ABLIM3: variants seen among roughly 807,000 people sequenced by gnomAD.
The protein encoded by ABLIM3 is actin-binding LIM protein 3.
Under a neutral mutation model 109.5 loss-of-function variants are expected in ABLIM3, and 61 were observed. The ratio of observed to expected loss-of-function variants is 0.56; its 90% CI spans 0.45 to 0.69. ABLIM3 has a LOEUF of 0.69. ABLIM3 is among the 30% of genes least tolerant of loss of function. The pLI, the probability that ABLIM3 is intolerant of heterozygous loss-of-function variation, is 0.00. For synonymous variants in ABLIM3, 300 were observed against 324.8 expected (o/e 0.92, Z 0.82); for missense variants, 796 against 889.5 (o/e 0.89, Z 1.34).
intron 2 of ABLIM3, among the ~76,000 whole-genome samples, chr5:149,166,843 A>T (rs1402421580): frequency 6.6e-6 from 1 of 152,238 alleles, no homozygotes; most frequent in Non-Finnish European, 1.5e-5. Flanking sequence ...GCAATCATAG[A>T]TAATATGTAA....
chr5:149,228,410 GA>G (rs917063806), intron 8 of ABLIM3, among the ~76,000 whole-genome samples: 1 of 151,420 alleles, frequency 6.6e-6, no homozygotes, highest in Non-Finnish European at 1.5e-5. Context: ...GTATCTTTTT[GA>G]AAAAAAATAC....
intron 2 of ABLIM3, among the ~76,000 whole-genome samples, chr5:149,173,197 A>G (rs146424592): frequency 3.9e-5 from 6 of 152,316 alleles, no homozygotes; most frequent in Admixed American, 3.9e-4. Flanking sequence ...GTTCTGTCAC[A>G]TGGCGTGATC....
intron 10 of ABLIM3, among the ~76,000 whole-genome samples, chr5:149,233,566 A>G (rs1479245472): frequency 1.3e-5 from 2 of 152,208 alleles, no homozygotes; most frequent in South Asian, 2.1e-4. Context: ...AGAAAGTACA[A>G]TGACAGCAAG....
intron 2 of ABLIM3, among the ~76,000 whole-genome samples, chr5:149,176,757 T>C (rs1755966420): frequency 6.6e-6 from 1 of 152,184 alleles, no homozygotes; most frequent in Non-Finnish European, 1.5e-5. Context: ...TATTACTTCA[T>C]GCATGGCGTC....
intron 7 of ABLIM3, among the ~76,000 whole-genome samples, chr5:149,212,815 C>CGAA (rs941363333): frequency 1.1e-4 from 16 of 152,062 alleles, no homozygotes; most frequent in Admixed American, 7.2e-4. Flanking sequence ...GGAGTGTTTC[C>CGAA]AGAAGGCAGT....
chr5:149,195,960 C>A (rs1757931555), intron 3 of ABLIM3, among the ~76,000 whole-genome samples: 1 of 152,222 alleles, frequency 6.6e-6, no homozygotes, highest in South Asian at 2.1e-4. Flanking sequence ...CTTTTCTTCT[C>A]ATAGACTTAC....
chr5:149,143,020 T>G (rs1366579295), intron 2 of ABLIM3, among the ~76,000 whole-genome samples: 4 of 152,036 alleles, frequency 2.6e-5, no homozygotes, highest in Admixed American at 2.0e-4. Flanking sequence ...ATCAGTCCCC[T>G]CTCTGCATCT....
rs79920609 is a variant in ABLIM3 at position 149,170,787 on chromosome 5, G to C, written c.14-12665G>C. Among the ~76,000 whole-genome samples, 568 of 152,270 alleles carry C rather than the reference G, an allele frequency of 3.7e-3. 2 individuals carry two copies. The highest frequency in any genetic ancestry group is 5.9e-3 in the Non-Finnish European group (400 of 68,016). ...AATGGAATGTTCGTCCGTTGATTTG[G>C]GGGGAGGATCTTTAAATTCTCTTAT... is the stretch of plus-strand genomic sequence containing the variant. On this transcript the variant is annotated intron_variant, in intron 2 of 23. Transcript: ENST00000309868.
At chr5:149,258,179 C>A in intron 23 of ABLIM3, 112 bp from the exon 24 acceptor site, 3 of 843,306 alleles carry the variant, frequency 3.6e-6, no homozygotes, top group Non-Finnish European at 3.7e-6. Context: ...GCACAGGGTG[C>A]CCAGAGGGAA....
intron 2 of ABLIM3, among the ~76,000 whole-genome samples, chr5:149,152,164 G>A (rs1472631489): frequency 6.6e-6 from 1 of 152,134 alleles, no homozygotes; most frequent in East Asian, 1.9e-4. Context: ...GCAATCAATA[G>A]GATTGCCTGC....
rs897423912 is a variant in ABLIM3 at position 149,240,683 on chromosome 5, G to A, written c.1212G>A (p.Glu404=). ...SPHHYYRSGP[E]SGRSSPYHSQ... is the part of the protein sequence containing the mutation. Reference sequence around the variant, plus strand: ...ACTTCCTGCGTGCTCCAGGGCCCGAGAGTGGCCGGAGCTCTCCATACCATA... The same window carrying A: ...ACTTCCTGCGTGCTCCAGGGCCCGAAAGTGGCCGGAGCTCTCCATACCATA... The change falls in exon 14 of 24, where the codon GAG becomes GAA. Residue 404 remains glutamate, a synonymous_variant. Coordinates refer to ENST00000309868, the MANE Select transcript of ABLIM3 (RefSeq NM_014945.5). The A allele has an allele frequency of 2.5e-6, 4 of 1,613,928 alleles. No homozygotes were observed. The South Asian group carries it at 4.4e-5, about 18-fold the overall frequency.
intron 10 of ABLIM3, among the ~76,000 whole-genome samples, chr5:149,235,403 C>T (rs1762251868): frequency 6.6e-6 from 1 of 152,210 alleles, no homozygotes; most frequent in African/African-American, 2.4e-5. Flanking sequence ...TCCATCTCCA[C>T]TGACTTCTAG....
intron 2 of ABLIM3, among the ~76,000 whole-genome samples, chr5:149,154,023 T>G (rs1753664355): frequency 1.3e-5 from 2 of 152,240 alleles, no homozygotes; most frequent in African/African-American, 4.8e-5. Flanking sequence ...TCTTTCTCCA[T>G]GGGCTGTTAC....
chr5:149,177,074 T>C (rs1756002265), intron 2 of ABLIM3: 1 of 152,258 alleles, frequency 6.6e-6, no homozygotes. Flanking sequence ...CATCTTTTTC[T>C]TTATTCTGCA....
rs780010832 is a variant in ABLIM3 at position 149,198,692 on chromosome 5, C to T, written c.335+290C>T. Among the ~76,000 whole-genome samples the T allele has an allele frequency of 2.0e-5, 3 of 152,182 alleles. No homozygotes were observed. Among genetic ancestry groups the T allele is most frequent in the Non-Finnish European group, 4.4e-5 (3 of 68,032 alleles). ...AGCCTCCCAATTCCTCTCAAAAGGC[C>T]CCCAAAGAAACCACTGATTCTCTCA... On this transcript the variant is annotated intron_variant, in intron 4 of 23. Coordinates refer to ENST00000309868, the MANE Select transcript of ABLIM3 (RefSeq NM_014945.5). The surrounding 1 kb of genome is among the most constrained non-coding windows in gnomAD (Gnocchi z 4.2).
chr5:149,142,759 G>T (rs1387018627), intron 2 of ABLIM3, among the ~76,000 whole-genome samples: 1 of 152,140 alleles, frequency 6.6e-6, no homozygotes, highest in Non-Finnish European at 1.5e-5. Context: ...ACAACTGCTT[G>T]CAGAGCCAGG....
At position 149,142,000 on chromosome 5, in the gene ABLIM3, A is replaced by AC. The variant is rs571717870; in HGVS notation, c.-87-3dup. ...AGAGCTGGCACTGGACTGCCTTTTC[A>AC]CCCCCCAGGTGATGAGTGAGGTTCG... On this transcript the variant is annotated splice_polypyrimidine_tract_variant and intron_variant, in intron 1 of 23. Transcript: ENST00000309868. 137 of 1,586,074 alleles carry AC rather than the reference A, an allele frequency of 8.6e-5. No individual in the cohort carries two copies. The African/African-American group carries it at 1.3e-3, about 15-fold the overall frequency.
At chr5:149,165,336 T>C (rs530994930) in intron 2 of ABLIM3, among the ~76,000 whole-genome samples, 95 of 152,222 alleles carry the variant, frequency 6.2e-4, no homozygotes, top group Non-Finnish European at 1.2e-3. Flanking sequence ...TCTTTGTATA[T>C]AAATTTTTAT....
chr5:149,241,246 C>G (rs1019603504), intron 14 of ABLIM3, among the ~76,000 whole-genome samples: 1 of 152,202 alleles, frequency 6.6e-6, no homozygotes, highest in Non-Finnish European at 1.5e-5. Flanking sequence ...CTGTGCTCAA[C>G]CCAGCCCAGA....
Sources: allele counts gnomAD v4.1 joint callset (sites outside exome capture counted in the v4.1 genomes callset), GRCh38; gene constraint gnomAD v4.1.1; non-coding constraint Gnocchi (gnomAD v3.1); transcripts MANE v1.5; gene names NCBI Gene and HGNC (gene_info 2026-07-23, HGNC 2026-07-21).